The following ZFP36L1 variants were observed in gnomAD, a reference collection of about 807,000 sequenced individuals.
ZFP36L1 encodes the protein mRNA decay activator protein ZFP36L1.
ZFP36L1 carries 4 observed loss-of-function variants against 16.7 expected under a neutral mutation model. The ratio of observed to expected loss-of-function variants is 0.24; its 90% CI spans 0.12 to 0.55. The LOEUF is 0.55. Ranked by LOEUF, ZFP36L1 falls within the 20% of genes least tolerant of loss-of-function variation. The probability of loss-of-function intolerance (pLI) is 0.94; values close to 1 mark genes in which losing one functional copy is unlikely to be tolerated. For missense variants in ZFP36L1, 311 were observed against 449.2 expected, an observed-to-expected ratio of 0.69 and a Z score of 2.78; for synonymous variants, 220 against 190.8, an observed-to-expected ratio of 1.15 and a Z score of -1.26.
Position 68,789,496 on chromosome 14 carries a change from G to T in ZFP36L1, c.*37C>A. On this transcript the variant is annotated 3_prime_UTR_variant, in exon 2 of 2. Coordinates refer to ENST00000439696, the MANE Select transcript of ZFP36L1 (RefSeq NM_004926.4). The surrounding 1 kb of genome is among the most constrained non-coding windows in gnomAD (Gnocchi z 4.5). Reference sequence around the variant, plus strand: ...GGTATGGGATGTGGGTGCAGGGTAGGGGCTGGAGTAGGCAGGAGGTCCCTC... The same window carrying T: ...GGTATGGGATGTGGGTGCAGGGTAGTGGCTGGAGTAGGCAGGAGGTCCCTC... 1 of 1,611,904 alleles carries T rather than the reference G, an allele frequency of 6.2e-7. No individual in the cohort carries two copies.
At chr14:68,790,851 T>C in intron 1 of ZFP36L1, 2 of 592,614 alleles carry the variant, frequency 3.4e-6, no homozygotes, top group East Asian at 5.6e-5. Flanking sequence ...CAGACCTCTC[T>C]AGATTACCGC....
chr14:68,788,877 A>G lies in ZFP36L1; in HGVS notation c.*656T>C, dbSNP rs1894983356. On this transcript the variant is annotated 3_prime_UTR_variant, in exon 2 of 2. Transcript: ENST00000439696. ...GGGAAGAAAAAGGTTTTGAATGTCA[A>G]GACAGGTTTCCCCCAAAACCCTGGT... 1 of 145,750 alleles carries G rather than the reference A, an allele frequency of 6.9e-6. No homozygotes were observed. The highest frequency in any genetic ancestry group is 1.5e-5 in the Non-Finnish European group (1 of 66,606). 9.0% of individuals were successfully genotyped at this position (145,750 alleles called of 1,614,324 possible). A position where few individuals can be genotyped will look rare whatever the true frequency, so the allele number is the denominator to read the frequency against.
intron 1 of ZFP36L1, chr14:68,791,276 G>C: frequency 5.5e-6 from 3 of 548,480 alleles, no homozygotes; most frequent in Non-Finnish European, 6.5e-6. Context: ...GCTTGGATAA[G>C]AGCTCCAGTG....
At chr14:68,794,508 C>T (rs1449781179), upstream of ZFP36L1, 1 of 152,274 alleles carries the variant, frequency 6.6e-6, no homozygotes, top group Non-Finnish European at 1.5e-5. Flanking sequence ...GCGGAAGTCG[C>T]AGGGCTGCGC....
Position 68,789,228 on chromosome 14 carries a change from G to A in ZFP36L1, c.*305C>T, listed in dbSNP as rs1191050988. 12 of 348,634 alleles carry A rather than the reference G, an allele frequency of 3.4e-5. No individual in the cohort carries two copies. Among genetic ancestry groups the A allele is most frequent in the Non-Finnish European group, 1.6e-5 (3 of 189,196 alleles). 21.6% of individuals were successfully genotyped at this position (348,634 alleles called of 1,614,324 possible). On this transcript the variant is annotated 3_prime_UTR_variant, in exon 2 of 2. Transcript: ENST00000439696. This position sits in a 1 kb window ranked among gnomAD's most constrained non-coding sequence, Gnocchi z 4.5. ...TGATTTGGCACTTAAGGCTTAAGCC[G>A]GAAAAAAAAAGGCATCTACTGACAA...
Position 68,792,893 on chromosome 14 carries a change from C to A in ZFP36L1, c.46G>T (p.Val16Phe). ...CCGCCCCCCTTTACCTTGCATAAAA[C>A]TTCGCTCAAGTCGAAGATGGTGGCA... The part of the protein sequence containing the change: ...VSATIFDLSE[V>F]LCKGNKMLNY... The change falls in exon 1 of 2, where the codon GTT becomes TTT. Residue 16 changes from valine to phenylalanine, a missense_variant. By Grantham distance (50) the Val-to-Phe change is conservative. This residue lies in a region of ZFP36L1 where 137 missense variants were observed against 142.6 expected (regional missense o/e 0.96). Coordinates refer to ENST00000439696, the MANE Select transcript of ZFP36L1 (RefSeq NM_004926.4). 1 of 1,614,112 alleles carries A rather than the reference C, an allele frequency of 6.2e-7. No homozygotes were observed. Among genetic ancestry groups the A allele is most frequent in the Non-Finnish European group, 8.5e-7 (1 of 1,179,994 alleles).
chr14:68,789,140 G>A lies in ZFP36L1; in HGVS notation c.*393C>T, dbSNP rs745412767. On this transcript the variant is annotated 3_prime_UTR_variant, in exon 2 of 2. Transcript: ENST00000439696. The surrounding 1 kb of genome is among the most constrained non-coding windows in gnomAD (Gnocchi z 4.5). ...GCGCTGAAGAGGTAATGTAGTCACAGTGACAAAGTTAGATTACAAGGCACT... is the reference window on the plus strand; with the variant it reads ...GCGCTGAAGAGGTAATGTAGTCACAATGACAAAGTTAGATTACAAGGCACT... 3.8e-5 allele frequency: 7 copies of A among 183,202 alleles called. No homozygotes were observed. Among genetic ancestry groups the A allele is most frequent in the Non-Finnish European group, 7.0e-5 (6 of 86,018 alleles). The allele number at this position is 183,202 out of a possible 1,614,324, so 11.3% of individuals were successfully genotyped here.
In ZFP36L1 at chr14:68,787,718, GTT is replaced by G. The variant is rs60997232; in HGVS notation, c.*1813_*1814del. 6.6e-6 allele frequency: 1 copy of G among 151,256 alleles called. No individual in the cohort carries two copies. The highest frequency in any genetic ancestry group is 1.9e-4 in the East Asian group (1 of 5,214). The allele number at this position is 151,256 out of a possible 1,614,324, so 9.4% of individuals were successfully genotyped here. A position where few individuals can be genotyped will look rare whatever the true frequency, so the allele number is the denominator to read the frequency against. ...AAACTGCAAATAGTCGTTACAAAAA[GTT>G]TTTTTTTCTTTTAAATAAATTCACA... On this transcript the variant is annotated 3_prime_UTR_variant, in exon 2 of 2. Coordinates refer to ENST00000439696, the MANE Select transcript of ZFP36L1 (RefSeq NM_004926.4).
At chr14:68,795,243 G>C (rs1386085125), upstream of ZFP36L1, among the ~76,000 whole-genome samples, 1 of 152,178 alleles carries the variant, frequency 6.6e-6, no homozygotes, top group Admixed American at 6.5e-5. Flanking sequence ...CACAAGGTTA[G>C]TCTGAGTTCT....
rs1285767009 is a variant in ZFP36L1 at position 68,789,951 on chromosome 14, T to A, written c.599A>T (p.His200Leu). ...GGGAAACCCAGCAAAGCTAAAGCTA[T>A]GCTGGAGGCGGGGACGGTCAGCGGA... ...DLSADRPRLQ[H>L]SFSFAGFPSA... The change falls in exon 2 of 2, where the codon CAT becomes CTT. Residue 200 changes from histidine (H) to leucine (L), a missense_variant. This residue lies in a region of ZFP36L1 where 147 missense variants were observed against 192.0 expected (regional missense o/e 0.77). Transcript: ENST00000439696. This position sits in a 1 kb window ranked among gnomAD's most constrained non-coding sequence, Gnocchi z 4.5. 1 of 1,608,468 alleles carries A rather than the reference T, an allele frequency of 6.2e-7. No individual in the cohort carries two copies. Among genetic ancestry groups the A allele is most frequent in the African/African-American group, 1.3e-5 (1 of 74,846 alleles).
chr14:68,793,929 T>TGGGGGGGGGGGG, upstream of ZFP36L1: 2 of 180,668 alleles, frequency 1.1e-5, no homozygotes, highest in Non-Finnish European at 1.7e-5. Context: ...TGTGGGCGGG[T>TGGGGGGGGGGGG]GGGGGGCGCC....
chr14:68,790,647 T>A (rs970332736), intron 1 of ZFP36L1, among the ~76,000 whole-genome samples, 155 bp from the exon 2 acceptor site: 1 of 152,058 alleles, frequency 6.6e-6, no homozygotes, highest in Non-Finnish European at 1.5e-5. Context: ...CTCCCTCCCA[T>A]AGGCCATTCA....
chr14:68,793,089 A>G, upstream of ZFP36L1: 1 of 1,548,428 alleles, frequency 6.5e-7, no homozygotes, highest in Non-Finnish European at 8.7e-7. Context: ...CGCAAAGCCC[A>G]ATTTATAAAG....
chr14:68,795,987 C>T (rs1168207176), upstream of ZFP36L1: 1 of 1,315,180 alleles, frequency 7.6e-7, no homozygotes, highest in Non-Finnish European at 1.0e-6. Flanking sequence ...CGAGGCGAGG[C>T]GTGCGTGGCC....
At chr14:68,796,152 G>A (rs778889335), upstream of ZFP36L1, 2 of 1,366,314 alleles carry the variant, frequency 1.5e-6, no homozygotes, top group Non-Finnish European at 2.0e-6. Context: ...CTCCCCATTC[G>A]CCTGGAGCGC....
At chr14:68,791,023 C>G (rs538780796) in intron 1 of ZFP36L1, 1 of 702,062 alleles carries the variant, frequency 1.4e-6, no homozygotes, top group African/African-American at 1.7e-5. Flanking sequence ...GAAGTGTTCC[C>G]TTCCTTTGGC....
intron 1 of ZFP36L1, 36 bp downstream of exon 1, chr14:68,792,846 G>T (rs776719333): frequency 6.2e-7 from 1 of 1,613,780 alleles, no homozygotes; most frequent in Non-Finnish European, 8.5e-7. Flanking sequence ...AAAAGAAAAA[G>T]ACTTTTTGAA....
chr14:68,791,997 A>C (rs1426133300), intron 1 of ZFP36L1, among the ~76,000 whole-genome samples: 1 of 152,152 alleles, frequency 6.6e-6, no homozygotes, highest in Admixed American at 6.5e-5. Flanking sequence ...TGGGAGGGGG[A>C]GGTTGGAAAG....
chr14:68,791,684 G>C (rs1895074213), intron 1 of ZFP36L1, among the ~76,000 whole-genome samples: 1 of 152,024 alleles, frequency 6.6e-6, no homozygotes, highest in Admixed American at 6.6e-5. Context: ...GAAAGAAATA[G>C]ATCAAAGAGC....
Sources: allele counts gnomAD v4.1 joint callset (sites outside exome capture counted in the v4.1 genomes callset), GRCh38; gene constraint gnomAD v4.1.1; regional missense constraint gnomAD v4.1.1; non-coding constraint Gnocchi (gnomAD v3.1); transcripts MANE v1.5; gene names NCBI Gene and HGNC (gene_info 2026-07-23, HGNC 2026-07-21).